Variants in MYO10 observed in about 807,000 individuals in gnomAD.
MYO10 encodes myosin X.
MYO10 carries 133 observed loss-of-function variants against 257.3 expected under a neutral mutation model. The ratio of observed to expected loss-of-function variants is 0.52; its 90% CI spans 0.45 to 0.60. The LOEUF (loss-of-function observed/expected upper bound fraction) is 0.60. MYO10 is among the 20% of genes least tolerant of loss of function. MYO10 has a pLI of 0.00. For missense variants in MYO10, 2,399 were observed against 2,635.7 expected, an observed-to-expected ratio of 0.91 and a Z score of 1.97; for synonymous variants, 1,104 against 1,028.6, an observed-to-expected ratio of 1.07 and a Z score of -1.40.
At chr5:16,752,070 ACT>A (rs1392593138) in intron 19 of MYO10, among the ~76,000 whole-genome samples, 1 of 152,162 alleles carries the variant, frequency 6.6e-6, no homozygotes, top group Admixed American at 6.5e-5. Context: ...GGAAAAACTA[ACT>A]CTGTGCCATC....
At chr5:16,799,734 T>C (rs1221140097) in intron 3 of MYO10, among the ~76,000 whole-genome samples, 1 of 152,160 alleles carries the variant, frequency 6.6e-6, no homozygotes, top group African/African-American at 2.4e-5. Flanking sequence ...CCTCAGGTGA[T>C]CCACCCACCT....
chr5:16,764,386 C>A lies in MYO10; in HGVS notation c.1190G>T (p.Ser397Ile). 1 of 1,613,838 alleles carries A rather than the reference C, an allele frequency of 6.2e-7. No individual in the cohort carries two copies. Among genetic ancestry groups the A allele is most frequent in the Non-Finnish European group, 8.5e-7 (1 of 1,179,838 alleles). ...CAGAGCCATGGCCAGGGAGTCCCTGCTGTCTACTGCCTGTGGGAGAGAAAC... is the reference window on the plus strand; with the variant it reads ...CAGAGCCATGGCCAGGGAGTCCCTGATGTCTACTGCCTGTGGGAGAGAAAC... ...TPLNVQQAVD[S>I]RDSLAMALYA... Residue 397 changes from serine (S) to isoleucine (I), a missense_variant, in exon 12 of 41, where the codon AGC (serine) becomes ATC (isoleucine). Around this residue, in one of 3 missense-constraint regions of MYO10, gnomAD observed 337 missense variants for 446.8 expected, o/e 0.75. Transcript: ENST00000513610.
At chr5:16,698,380 T>C (rs186925749) in intron 26 of MYO10, among the ~76,000 whole-genome samples, 7 of 152,218 alleles carry the variant, frequency 4.6e-5, no homozygotes, top group Admixed American at 3.9e-4. Context: ...CCTAAATAAA[T>C]AGATAAATAA....
At chr5:16,782,272 C>A (rs1741446298) in intron 5 of MYO10, among the ~76,000 whole-genome samples, 1 of 152,134 alleles carries the variant, frequency 6.6e-6, no homozygotes, top group Non-Finnish European at 1.5e-5. Flanking sequence ...CTGACTAGAT[C>A]AGGGGCCGGC....
chr5:16,699,339 C>CA, intron 26 of MYO10, 111 bp downstream of exon 26: 1 of 1,378,396 alleles, frequency 7.3e-7, no homozygotes, highest in Admixed American at 2.4e-5. Context: ...CCCCATCCAT[C>CA]AGCCCAGATA....
rs770698467 is a variant in MYO10 at position 16,670,858 on chromosome 5, G to A, written c.5551C>T (p.Leu1851Phe). 27 of 1,613,890 alleles carry A rather than the reference G, an allele frequency of 1.7e-5. No homozygotes were observed. In the South Asian group the frequency reaches 2.9e-4, roughly 17 times the overall value. ...DYTLHAAIPPLEEVYSLQRLK... is the reference protein window; with the variant it reads ...DYTLHAAIPPFEEVYSLQRLK... ...CTCTGCAGGGAATAAACCTCTTCGAGAGGTGGGATGGCAGCGTGCAGAGTA... is the reference window on the plus strand; with the variant it reads ...CTCTGCAGGGAATAAACCTCTTCGAAAGGTGGGATGGCAGCGTGCAGAGTA... The change falls in exon 39 of 41, where the codon CTC becomes TTC. Residue 1851 changes from leucine (L) to phenylalanine (F), a missense_variant. Coordinates refer to ENST00000513610, the MANE Select transcript of MYO10 (RefSeq NM_012334.3).
chr5:16,799,074 T>C (rs1742046455), intron 3 of MYO10, among the ~76,000 whole-genome samples: 1 of 152,226 alleles, frequency 6.6e-6, no homozygotes, highest in African/African-American at 2.4e-5. Context: ...GAGCCTTTCT[T>C]TCTTAAGGCA....
At chr5:16,823,467 G>GTTTTT (rs1561003861) in intron 2 of MYO10, among the ~76,000 whole-genome samples, 1 of 3,986 alleles carries the variant, frequency 2.5e-4, no homozygotes, top group Non-Finnish European at 5.8e-4. Context: ...GGGGAGTGGG[G>GTTTTT]ATTTTTTTTT....
chr5:16,902,330 C>T lies in MYO10; in HGVS notation c.22-24623G>A, dbSNP rs183528149. On this transcript the variant is annotated intron_variant, in intron 1 of 40. Transcript: ENST00000513610. ...TTGGTAGGGGACATGGGGCAGCACC[C>T]GCAGTTCTAAATCAGGGTGGGGGTG... 918 of 1,017,572 alleles carry T rather than the reference C, an allele frequency of 9.0e-4. 4 individuals carry two copies. The highest frequency in any genetic ancestry group is 9.4e-4 in the South Asian group (75 of 79,406). The allele number at this position is 1,017,572 out of a possible 1,614,324, so 63.0% of individuals were successfully genotyped here.
chr5:16,882,241 C>T (rs1231879475), intron 1 of MYO10, among the ~76,000 whole-genome samples: 1 of 152,130 alleles, frequency 6.6e-6, no homozygotes, highest in East Asian at 1.9e-4. Context: ...TTTTCTACTG[C>T]CAACAATGAT....
intron 1 of MYO10, among the ~76,000 whole-genome samples, chr5:16,885,055 G>A (rs1373052751): frequency 6.6e-6 from 1 of 152,062 alleles, no homozygotes; most frequent in Non-Finnish European, 1.5e-5. Flanking sequence ...CATTAAAACC[G>A]GGTACACAGA....
chr5:16,876,544 T>C (rs1337333090), intron 2 of MYO10, among the ~76,000 whole-genome samples: 2 of 152,074 alleles, frequency 1.3e-5, no homozygotes, highest in Admixed American at 6.6e-5. Flanking sequence ...TTTTCAACAC[T>C]CTATTTGTGA....
At chr5:16,834,734 G>A (rs1743260910) in intron 2 of MYO10, among the ~76,000 whole-genome samples, 1 of 152,208 alleles carries the variant, frequency 6.6e-6, no homozygotes, top group East Asian at 1.9e-4. Flanking sequence ...CTGCCCTTAA[G>A]TGAAATGAAA....
chr5:16,862,462 G>T (rs1332911390), intron 2 of MYO10, among the ~76,000 whole-genome samples: 1 of 152,142 alleles, frequency 6.6e-6, no homozygotes, highest in African/African-American at 2.4e-5. Context: ...AATCACACCG[G>T]CATTAAATGA....
At chr5:16,685,453 C>T (rs1424433525) in intron 29 of MYO10, among the ~76,000 whole-genome samples, 1 of 152,044 alleles carries the variant, frequency 6.6e-6, no homozygotes, top group Non-Finnish European at 1.5e-5. Context: ...CTCAAATGAT[C>T]CTCCCACCTC....
chr5:16,740,350 G>C (rs1246053487), intron 19 of MYO10, among the ~76,000 whole-genome samples: 1 of 151,896 alleles, frequency 6.6e-6, no homozygotes, highest in Admixed American at 6.6e-5. Context: ...ATGCTTAGAG[G>C]GGAAAAAAAA....
intron 10 of MYO10, among the ~76,000 whole-genome samples, chr5:16,768,664 C>CTTTTTTTTTTTTTTTTTTTTT (rs34950225): frequency 1.4e-5 from 1 of 70,140 alleles, no homozygotes; most frequent in Non-Finnish European, 2.5e-5. Flanking sequence ...TTTCTCTTTT[C>CTTTTTTTTTTTTTTTTTTTTT]TTTTTTTTTT....
At chr5:16,907,380 A>T (rs1231231562) in intron 1 of MYO10, among the ~76,000 whole-genome samples, 2 of 152,168 alleles carry the variant, frequency 1.3e-5, no homozygotes, top group Non-Finnish European at 2.9e-5. Flanking sequence ...GTTTCAGCAC[A>T]ACAGACTCAG....
chr5:16,826,169 T>TAA (rs201362887), intron 2 of MYO10, among the ~76,000 whole-genome samples: 17 of 139,998 alleles, frequency 1.2e-4, no homozygotes, highest in South Asian at 4.5e-4. Context: ...AACATAGTAA[T>TAA]AAAAAAAAAA....
Sources: allele counts gnomAD v4.1 joint callset (sites outside exome capture counted in the v4.1 genomes callset), GRCh38; gene constraint gnomAD v4.1.1; regional missense constraint gnomAD v4.1.1; transcripts MANE v1.5; gene names NCBI Gene and HGNC (gene_info 2026-07-23, HGNC 2026-07-21).